The following IL1RAPL2 variants were observed in gnomAD, a reference collection of about 807,000 sequenced individuals.
IL1RAPL2 encodes the protein X-linked interleukin-1 receptor accessory protein-like 2.
In IL1RAPL2, 3 loss-of-function variants were observed where a neutral mutation model predicts 44.1. The ratio of observed to expected loss-of-function variants is 0.07; its 90% CI spans 0.03 to 0.18. The LOEUF is 0.18. Among genes scored for constraint, IL1RAPL2 ranks in the 10% least tolerant of loss-of-function variants. IL1RAPL2 has a pLI of 1.00. For synonymous variants in IL1RAPL2, 181 were observed against 178.8 expected (o/e 1.01, Z -0.10); for missense variants, 391 against 496.4 (o/e 0.79, Z 2.02).
At chrX:105,646,863 C>T (rs192041512) in intron 6 of IL1RAPL2, among the ~76,000 whole-genome samples, 1 of 112,171 alleles carries the variant, frequency 8.9e-6, no homozygotes, top group Non-Finnish European at 1.9e-5. Context: ...GACACTAGGA[C>T]AGGCCCATTT....
At chrX:105,012,674 C>CACACACACAGAGAG (rs1258556672) in intron 2 of IL1RAPL2, among the ~76,000 whole-genome samples, 4 of 81,268 alleles carry the variant, frequency 4.9e-5, no homozygotes, top group African/African-American at 1.8e-4. Context: ...CACACACACA[C>CACACACACAGAGAG]AGAGAGAGAG....
chrX:104,997,008 A>G (rs2030760673), intron 2 of IL1RAPL2, among the ~76,000 whole-genome samples: 1 of 111,627 alleles, frequency 9.0e-6, no homozygotes, highest in Non-Finnish European at 1.9e-5. Context: ...TCACTGGAGC[A>G]TAGTGGACAA....
intron 2 of IL1RAPL2, among the ~76,000 whole-genome samples, chrX:104,994,880 A>G (rs140735467): frequency 0.011 from 1,235 of 110,998 alleles, 8 homozygotes; most frequent in Middle Eastern, 0.046. Flanking sequence ...TTGCAAGAGT[A>G]AAGTGAGCAG....
At chrX:105,438,753 A>G (rs983026432) in intron 5 of IL1RAPL2, among the ~76,000 whole-genome samples, 3 of 110,139 alleles carry the variant, frequency 2.7e-5, no homozygotes, top group African/African-American at 9.9e-5. Context: ...CACAACCTCA[A>G]GGAGAAGACA....
intron 2 of IL1RAPL2, among the ~76,000 whole-genome samples, chrX:104,981,438 T>C (rs915198297): frequency 9.0e-6 from 1 of 110,926 alleles, no homozygotes; most frequent in African/African-American, 3.3e-5. Context: ...TGATTTTGTA[T>C]CCTGAAACTT....
chrX:105,191,713 G>A (rs947175673), intron 2 of IL1RAPL2, among the ~76,000 whole-genome samples: 5 of 112,090 alleles, frequency 4.5e-5, no homozygotes, highest in African/African-American at 1.6e-4. Context: ...TCAAATCCAG[G>A]GACAAGAATA....
At chrX:105,071,483 C>G (rs1442759603) in intron 2 of IL1RAPL2, among the ~76,000 whole-genome samples, 1 of 111,086 alleles carries the variant, frequency 9.0e-6, no homozygotes, top group Non-Finnish European at 1.9e-5. Context: ...TATCAAAATT[C>G]CAAGGCCATT....
At chrX:104,656,482 G>C (rs1164116230) in intron 1 of IL1RAPL2, among the ~76,000 whole-genome samples, 2 of 112,081 alleles carry the variant, frequency 1.8e-5, no homozygotes, top group Non-Finnish European at 3.8e-5. Context: ...TAGTTCTGCA[G>C]TTTTGAGTTA....
intron 4 of IL1RAPL2, among the ~76,000 whole-genome samples, chrX:105,242,373 C>T (rs2034177573): frequency 8.9e-6 from 1 of 112,385 alleles, no homozygotes; most frequent in Admixed American, 9.5e-5. Context: ...GATTTAAGCA[C>T]TTATTCCTTT....
At chrX:104,815,816 A>C (rs1602741248) in intron 2 of IL1RAPL2, among the ~76,000 whole-genome samples, 1 of 94,934 alleles carries the variant, frequency 1.1e-5, no homozygotes. Context: ...TCATTCTGGG[A>C]CACATTCCAC....
At chrX:105,425,297 A>C (rs954802444) in intron 5 of IL1RAPL2, among the ~76,000 whole-genome samples, 7 of 111,045 alleles carry the variant, frequency 6.3e-5, no homozygotes, top group African/African-American at 2.3e-4. Flanking sequence ...GACCTGGCCA[A>C]CTTAATGCAA....
chrX:104,728,880 A>G (rs1931848276), intron 2 of IL1RAPL2, among the ~76,000 whole-genome samples: 1 of 112,055 alleles, frequency 8.9e-6, no homozygotes, highest in African/African-American at 3.2e-5. Flanking sequence ...GCAAACTAAT[A>G]TAAAATACAA....
At chrX:104,690,204 A>C (rs191886668) in intron 2 of IL1RAPL2, among the ~76,000 whole-genome samples, 1 of 112,524 alleles carries the variant, frequency 8.9e-6, no homozygotes, top group East Asian at 2.8e-4. Context: ...GCCTTGAGGG[A>C]AAAATGGATA....
At chrX:105,001,389 G>C (rs1451043933) in intron 2 of IL1RAPL2, among the ~76,000 whole-genome samples, 1 of 111,221 alleles carries the variant, frequency 9.0e-6, no homozygotes, top group Non-Finnish European at 1.9e-5. Flanking sequence ...ATTCTACAGA[G>C]AGTCATTCTC....
Position 104,986,736 on chromosome X carries a change from C to T in IL1RAPL2, c.83-208739C>T, listed in dbSNP as rs1183162609. Among the ~76,000 whole-genome samples the T allele has an allele frequency of 4.5e-5, 5 of 112,348 alleles. No individual in the cohort carries two copies. The Admixed American group carries it at 4.7e-4, about 11-fold the overall frequency. The stretch of plus-strand genomic sequence containing the variant: ...GCATTTAGATAGAATTGCCACTTAA[C>T]TCAGTAAAACAACCATTTTGACAGG... On this transcript the variant is annotated intron_variant, in intron 2 of 10. Coordinates refer to ENST00000372582, the MANE Select transcript of IL1RAPL2 (RefSeq NM_017416.2).
chrX:105,530,850 G>A (rs2036629831), intron 6 of IL1RAPL2, among the ~76,000 whole-genome samples: 1 of 109,504 alleles, frequency 9.1e-6, no homozygotes, highest in South Asian at 3.9e-4. Flanking sequence ...GTCGTTCTGT[G>A]TCTGGCTTAT....
At chrX:104,941,165 G>A (rs1389020579) in intron 2 of IL1RAPL2, among the ~76,000 whole-genome samples, 2 of 110,528 alleles carry the variant, frequency 1.8e-5, no homozygotes, top group Admixed American at 1.9e-4. Context: ...ATAAACATAT[G>A]TGTGCACGTG....
chrX:105,341,012 C>A (rs750163001), intron 5 of IL1RAPL2, among the ~76,000 whole-genome samples: 79 of 110,655 alleles, frequency 7.1e-4, no homozygotes, highest in Non-Finnish European at 1.3e-3. Context: ...CTATATATAT[C>A]TATTAATTAT....
chrX:104,876,638 G>A (rs1474202819), intron 2 of IL1RAPL2, among the ~76,000 whole-genome samples: 1 of 82,228 alleles, frequency 1.2e-5, no homozygotes, highest in East Asian at 4.5e-4. Context: ...CCAAATCACT[G>A]TTATATAGCT....
Sources: gnomAD v4.1 joint callset for allele counts (sites outside exome capture counted in the v4.1 genomes callset) on GRCh38, gnomAD v4.1.1 for gene constraint, MANE v1.5 for transcripts, NCBI Gene and HGNC (gene_info 2026-07-23, HGNC 2026-07-21) for gene names.